The following CACNB2 variants were observed in gnomAD, a reference collection of about 807,000 sequenced individuals.
CACNB2 encodes the protein voltage-dependent L-type calcium channel subunit beta-2.
Under a neutral mutation model 73.3 loss-of-function variants are expected in CACNB2, and 42 were observed. The ratio of observed to expected loss-of-function variants is 0.57; its 90% CI spans 0.45 to 0.74. The LOEUF (loss-of-function observed/expected upper bound fraction) is 0.74, where lower values mean the gene tolerates loss of function less well. CACNB2 is among the 30% of genes least tolerant of loss of function. The pLI, the probability that CACNB2 is intolerant of heterozygous loss-of-function variation, is 0.00. For synonymous variants in CACNB2, 348 were observed against 310.3 expected (o/e 1.12, Z -1.28); for missense variants, 940 against 853.0 (o/e 1.10, Z -1.27).
At chr10:18,472,379 G>T (rs780540113) in intron 3 of CACNB2, among the ~76,000 whole-genome samples, 36 of 151,684 alleles carry the variant, frequency 2.4e-4, no homozygotes, top group Admixed American at 1.6e-3. Flanking sequence ...TGGGACTACA[G>T]GTGCACGCCA....
chr10:18,140,542 G>T lies in CACNB2; in HGVS notation c.-195G>T. 2.9e-6 allele frequency: 1 copy of T among 348,960 alleles called. No homozygotes were observed. The highest frequency in any genetic ancestry group is 5.1e-6 in the Non-Finnish European group (1 of 197,972). 21.6% of individuals were successfully genotyped at this position (348,960 alleles called of 1,614,324 possible). Reference sequence around the variant, plus strand: ...AGCGGCTCGCTTCGCCCGATGCCCCGGCCCCGTCCCGCGCACTGAGCGCCT... The same window carrying T: ...AGCGGCTCGCTTCGCCCGATGCCCCTGCCCCGTCCCGCGCACTGAGCGCCT... On this transcript the variant is annotated 5_prime_UTR_variant, in exon 1 of 14. Coordinates refer to ENST00000324631, the MANE Select transcript of CACNB2 (RefSeq NM_201596.3).
Position 18,540,814 on chromosome 10 carries a change from A to T in CACNB2, c.*1090A>T, listed in dbSNP as rs1230564845. 5.2e-5 allele frequency: 8 copies of T among 152,636 alleles called. No individual in the cohort carries two copies. The highest frequency in any genetic ancestry group is 1.2e-4 in the Non-Finnish European group (8 of 68,044). 9.5% of individuals were successfully genotyped at this position (152,636 alleles called of 1,614,324 possible). ...ACTAACGAAGAAACTAGAGACTGATATCGAGCATTCTGCCCACCTCGCTCT... is the reference window on the plus strand; with the variant it reads ...ACTAACGAAGAAACTAGAGACTGATTTCGAGCATTCTGCCCACCTCGCTCT... On this transcript the variant is annotated 3_prime_UTR_variant, in exon 14 of 14. Transcript: ENST00000324631.
chr10:18,490,836 A>C (rs1589523648), intron 3 of CACNB2, among the ~76,000 whole-genome samples: 1 of 114,528 alleles, frequency 8.7e-6, no homozygotes, highest in African/African-American at 3.3e-5. Context: ...TTTCTGATAA[A>C]CCCGGGCCGG....
chr10:18,186,759 C>T (rs1394482354), intron 2 of CACNB2, among the ~76,000 whole-genome samples: 1 of 152,172 alleles, frequency 6.6e-6, no homozygotes, highest in African/African-American at 2.4e-5. Context: ...CCAGTCATGT[C>T]CCACCATGCC....
chr10:18,504,149 A>C (rs899442264), intron 5 of CACNB2, among the ~76,000 whole-genome samples: 1 of 152,208 alleles, frequency 6.6e-6, no homozygotes, highest in East Asian at 1.9e-4. Flanking sequence ...TGCCTAGGCT[A>C]ACATTAGTGC....
At chr10:18,453,473 C>T (rs1255948611) in intron 3 of CACNB2, among the ~76,000 whole-genome samples, 3 of 152,206 alleles carry the variant, frequency 2.0e-5, no homozygotes. Flanking sequence ...CTTGGAATCT[C>T]TCCCCTCCTA....
chr10:18,360,563 A>G (rs1464201099), intron 2 of CACNB2, among the ~76,000 whole-genome samples: 1 of 152,222 alleles, frequency 6.6e-6, no homozygotes, highest in Non-Finnish European at 1.5e-5. Context: ...TGTGTTTCTA[A>G]TAATTCACTT....
At chr10:18,447,823 C>G (rs1240397289) in intron 3 of CACNB2, among the ~76,000 whole-genome samples, 1 of 151,728 alleles carries the variant, frequency 6.6e-6, no homozygotes, top group Admixed American at 6.6e-5. Flanking sequence ...GAACAAGATT[C>G]AGATTTCTTT....
rs2040516521 is a variant in CACNB2 at position 18,324,694 on chromosome 10, G to GAAAATACA, written c.214-77224_214-77217dup. On this transcript the variant is annotated intron_variant, in intron 2 of 13. Transcript: ENST00000324631. ...AACATGGCGAAACCTCGTCTCTACT[G>GAAAATACA]AAAATACAAAAATTAACTGGGTGTG... Among the ~76,000 whole-genome samples the GAAAATACA allele has an allele frequency of 2.0e-5, 3 of 152,260 alleles. No homozygotes were observed. The East Asian group carries it at 5.8e-4, about 29-fold the overall frequency.
Position 18,448,139 on chromosome 10 carries a change from G to A in CACNB2, c.333+46096G>A, listed in dbSNP as rs144970661. 1.6e-3 allele frequency among the ~76,000 whole-genome samples: 243 copies of A among 152,174 alleles called. 1 individual carries two copies. The highest frequency in any genetic ancestry group is 5.3e-3 in the African/African-American group (220 of 41,532). ...CCCAAAGTACTGGGATTATAGGGGT[G>A]AGCCACTGTACCTGGACCTACTACT... On this transcript the variant is annotated intron_variant, in intron 3 of 13. Coordinates refer to ENST00000324631, the MANE Select transcript of CACNB2 (RefSeq NM_201596.3).
chr10:18,161,460 C>G (rs906455577), intron 2 of CACNB2, among the ~76,000 whole-genome samples: 2 of 152,156 alleles, frequency 1.3e-5, no homozygotes, highest in Non-Finnish European at 1.5e-5. Context: ...ACCCTACCAG[C>G]TTTTCCTTCT....
chr10:18,145,076 CA>C (rs2030824788), intron 1 of CACNB2, among the ~76,000 whole-genome samples: 1 of 152,206 alleles, frequency 6.6e-6, no homozygotes, highest in Non-Finnish European at 1.5e-5. Flanking sequence ...ACTGAACAGA[CA>C]GTAACCAGTG....
At chr10:18,472,480 G>A (rs539134035) in intron 3 of CACNB2, among the ~76,000 whole-genome samples, 3 of 151,762 alleles carry the variant, frequency 2.0e-5, no homozygotes, top group African/African-American at 4.9e-5. Flanking sequence ...CAGGTGATCC[G>A]CCCGCCTTGG....
At chr10:18,235,142 C>CAAA (rs34052926) in intron 2 of CACNB2, among the ~76,000 whole-genome samples, 1 of 99,744 alleles carries the variant, frequency 1.0e-5, no homozygotes, top group Non-Finnish European at 2.3e-5. Context: ...GACTCTGTCT[C>CAAA]AAAAAAAAAA....
rs992393946 is a variant in CACNB2, at chr10:18,290,112, CTTTTTTTTTTTTTTT to C, written c.214-111799_214-111785del. ...TAAAGTTTTTTTCTTTTTTCTTTTT[CTTTTTTTTTTTTTTT>C]TTTTTTTTTTTTGCCTCAGCCTCCT... On this transcript the variant is annotated intron_variant, in intron 2 of 13. Transcript: ENST00000324631. Among the ~76,000 whole-genome samples, 181 of 50,158 alleles carry C rather than the reference CTTTTTTTTTTTTTTT, an allele frequency of 3.6e-3. 2 individuals carry two copies. The Middle Eastern group carries it at 0.065, about 18-fold the overall frequency. The allele number at this position is 50,158 out of a possible 152,430, so 32.9% of individuals were successfully genotyped here.
chr10:18,346,427 T>C (rs11819342), intron 2 of CACNB2, among the ~76,000 whole-genome samples: 25,328 of 152,102 alleles, frequency 0.17, 2,292 homozygotes, highest in Middle Eastern at 0.25. Context: ...CGTGAGCCAC[T>C]GCACCCGGCC....
intron 2 of CACNB2, among the ~76,000 whole-genome samples, chr10:18,172,221 G>T (rs369130617): frequency 2.4e-4 from 37 of 152,110 alleles, no homozygotes; most frequent in African/African-American, 8.4e-4. Context: ...AAAATTAGCC[G>T]AGTGTAGTGG....
At chr10:18,297,774 A>G (rs1479576357) in intron 2 of CACNB2, among the ~76,000 whole-genome samples, 2 of 152,128 alleles carry the variant, frequency 1.3e-5, no homozygotes, top group South Asian at 2.1e-4. Flanking sequence ...TTTTGCTGTG[A>G]TAACAACTCT....
chr10:18,376,381 C>G (rs1202132260), intron 2 of CACNB2, among the ~76,000 whole-genome samples: 1 of 151,834 alleles, frequency 6.6e-6, no homozygotes, highest in Non-Finnish European at 1.5e-5. Flanking sequence ...CATTGGGGGA[C>G]AAGGGGATGG....
Sources: gnomAD v4.1 joint callset for allele counts (sites outside exome capture counted in the v4.1 genomes callset) on GRCh38, gnomAD v4.1.1 for gene constraint, MANE v1.5 for transcripts, NCBI Gene and HGNC (gene_info 2026-07-23, HGNC 2026-07-21) for gene names.